Variants in PTPRD observed in about 807,000 individuals in gnomAD.
PTPRD encodes the protein protein tyrosine phosphatase receptor type D.
Under a neutral mutation model 214.5 loss-of-function variants are expected in PTPRD, and 34 were observed. That is an observed-to-expected ratio of 0.16 (90% confidence interval 0.12 to 0.21). The LOEUF is 0.21. Ranked by LOEUF, PTPRD falls within the 10% of genes least tolerant of loss-of-function variation. The probability of loss-of-function intolerance (pLI) is 1.00; values close to 1 mark genes in which losing one functional copy is unlikely to be tolerated. For synonymous variants in PTPRD, 1,128 were observed against 845.7 expected (o/e 1.33, Z -5.79); for missense variants, 2,545 against 2,398.7 (o/e 1.06, Z -1.27).
intron 12 of PTPRD, among the ~76,000 whole-genome samples, chr9:8,672,806 A>G (rs2097312303): frequency 8.5e-6 from 1 of 117,956 alleles, no homozygotes; most frequent in Non-Finnish European, 1.6e-5. Flanking sequence ...AACATGTAAC[A>G]TACCTTCATT....
At chr9:9,478,753 T>G (rs1311293888) in intron 8 of PTPRD, among the ~76,000 whole-genome samples, 1 of 152,214 alleles carries the variant, frequency 6.6e-6, no homozygotes, top group Non-Finnish European at 1.5e-5. Flanking sequence ...AAAAAAAATT[T>G]TAAAACCCCA....
intron 8 of PTPRD, among the ~76,000 whole-genome samples, chr9:9,520,402 G>A (rs1358509526): frequency 6.6e-6 from 1 of 151,462 alleles, no homozygotes; most frequent in African/African-American, 2.4e-5. Context: ...ACCTGCTCAA[G>A]TATAGTACAT....
chr9:9,227,654 G>T (rs1351344419), intron 9 of PTPRD, among the ~76,000 whole-genome samples: 3 of 152,088 alleles, frequency 2.0e-5, no homozygotes, highest in African/African-American at 7.2e-5. Context: ...CTTCTTTGTA[G>T]TTCTTTCCTT....
intron 2 of PTPRD, among the ~76,000 whole-genome samples, chr9:10,564,592 G>T (rs1016953584): frequency 1.3e-5 from 2 of 151,974 alleles, no homozygotes; most frequent in African/African-American, 2.4e-5. Flanking sequence ...AGCCTCAATG[G>T]AGGCAACATC....
At chr9:9,340,138 A>G (rs910273601) in intron 9 of PTPRD, among the ~76,000 whole-genome samples, 6 of 152,152 alleles carry the variant, frequency 3.9e-5, no homozygotes, top group Non-Finnish European at 8.8e-5. Context: ...AGAAACCGCT[A>G]AAGACAGTAA....
chr9:9,747,169 A>G (rs1448903205), intron 6 of PTPRD, among the ~76,000 whole-genome samples: 1 of 152,202 alleles, frequency 6.6e-6, no homozygotes, highest in Non-Finnish European at 1.5e-5. Flanking sequence ...AGAGGGAAGA[A>G]GCACTCTGAG....
At chr9:10,322,961 T>C (rs10959043) in intron 3 of PTPRD, among the ~76,000 whole-genome samples, 46,416 of 151,726 alleles carry the variant, frequency 0.31, 8,160 homozygotes, top group African/African-American at 0.48. Context: ...AAAGTAACTA[T>C]GGGGAAGATA....
At chr9:8,356,524 G>C (rs2077035583) in intron 39 of PTPRD, among the ~76,000 whole-genome samples, 1 of 152,106 alleles carries the variant, frequency 6.6e-6, no homozygotes. Context: ...TTTCAGTCTG[G>C]GAACATTTCA....
intron 5 of PTPRD, among the ~76,000 whole-genome samples, chr9:9,809,012 T>G (rs1768873): frequency 6.6e-6 from 1 of 150,452 alleles, no homozygotes; most frequent in East Asian, 2.0e-4. Flanking sequence ...TCTCAAATTT[T>G]TAGCCTCAAC....
In PTPRD at chr9:10,306,398, A is replaced by G. The variant is rs1411392611; in HGVS notation, c.-545+34565T>C. Among the ~76,000 whole-genome samples, 5 of 152,184 alleles carry G rather than the reference A, an allele frequency of 3.3e-5. No individual in the cohort carries two copies. The East Asian group carries it at 9.7e-4, about 29-fold the overall frequency. ...TGTAACAAACCTGCATGTTCTGCAC[A>G]TGTACCCCAAAACTTAAAGTATAAT... On this transcript the variant is annotated intron_variant, in intron 3 of 45. Transcript: ENST00000381196.
At chr9:8,460,216 A>C (rs1243620291) in intron 33 of PTPRD, 195 bp downstream of exon 33, 1 of 708,292 alleles carries the variant, frequency 1.4e-6, no homozygotes, top group Non-Finnish European at 2.4e-6. Context: ...TCTATACCAA[A>C]ACTGAATAAG....
At chr9:9,883,237 T>C (rs1396680872) in intron 5 of PTPRD, among the ~76,000 whole-genome samples, 5 of 152,134 alleles carry the variant, frequency 3.3e-5, no homozygotes, top group Admixed American at 6.5e-5. Flanking sequence ...GATAAGTTTA[T>C]TTTTTCAATC....
At chr9:8,676,378 ATTTTTTTTTTTTT>A (rs559455727) in intron 12 of PTPRD, among the ~76,000 whole-genome samples, 15 of 111,634 alleles carry the variant, frequency 1.3e-4, no homozygotes, top group Non-Finnish European at 1.9e-4. Flanking sequence ...GCTCATTTTC[ATTTTTTTTTTTTT>A]TTTTTTTTTT....
intron 12 of PTPRD, among the ~76,000 whole-genome samples, chr9:8,715,828 G>C (rs998294072): frequency 6.6e-6 from 1 of 152,204 alleles, no homozygotes; most frequent in African/African-American, 2.4e-5. Flanking sequence ...AAATAGATAA[G>C]TTTAAAGTTT....
At chr9:8,748,310 CCAAT>C (rs1054456058) in intron 11 of PTPRD, among the ~76,000 whole-genome samples, 3 of 151,898 alleles carry the variant, frequency 2.0e-5, no homozygotes, top group Non-Finnish European at 4.4e-5. Flanking sequence ...TCACACCCAA[CCAAT>C]CAGAGAGCTC....
chr9:8,578,165 G>A (rs1476425790), intron 14 of PTPRD, among the ~76,000 whole-genome samples: 5 of 152,094 alleles, frequency 3.3e-5, no homozygotes, highest in African/African-American at 7.2e-5. Context: ...ATGTCAAGAC[G>A]ATAGCAGATA....
intron 6 of PTPRD, among the ~76,000 whole-genome samples, chr9:9,736,895 C>A (rs1488501322): frequency 6.6e-6 from 1 of 151,982 alleles, no homozygotes; most frequent in Non-Finnish European, 1.5e-5. Context: ...CTTTTTTACT[C>A]ACTTACTGTT....
chr9:9,212,231 A>T (rs1009305716), intron 9 of PTPRD, among the ~76,000 whole-genome samples: 3 of 152,156 alleles, frequency 2.0e-5, no homozygotes, highest in African/African-American at 7.2e-5. Flanking sequence ...CTATTAGCAC[A>T]TTTGAAAACA....
chr9:10,337,235 T>C (rs954324048), intron 3 of PTPRD, among the ~76,000 whole-genome samples: 7 of 151,670 alleles, frequency 4.6e-5, no homozygotes, highest in Non-Finnish European at 1.0e-4. Context: ...AACAGAATTT[T>C]CCCCCTCATT....
Sources: gnomAD v4.1 joint callset for allele counts (sites outside exome capture counted in the v4.1 genomes callset) on GRCh38, gnomAD v4.1.1 for gene constraint, MANE v1.5 for transcripts, NCBI Gene and HGNC (gene_info 2026-07-23, HGNC 2026-07-21) for gene names.